Variants in AXIN1 observed in about 807,000 individuals in gnomAD.
The protein encoded by AXIN1 is axin-1.
AXIN1 carries 30 observed loss-of-function variants against 76.4 expected under a neutral mutation model. That is an observed-to-expected ratio of 0.39 (90% CI 0.29 to 0.53). The LOEUF (loss-of-function observed/expected upper bound fraction) is 0.53. Ranked by LOEUF, AXIN1 falls within the 20% of genes least tolerant of loss-of-function variation. AXIN1 has a pLI of 0.66. For missense variants in AXIN1, 1,140 were observed against 1,198.8 expected (o/e 0.95, Z 0.72); for synonymous variants, 545 against 501.4 (o/e 1.09, Z -1.16).
intron 10 of AXIN1, among the ~76,000 whole-genome samples, chr16:289,101 G>T (rs1183337996): frequency 2.6e-5 from 4 of 151,490 alleles, no homozygotes; most frequent in African/African-American, 9.7e-5. Flanking sequence ...TTTTTGGGCG[G>T]GGGTAGAGAC....
intron 5 of AXIN1, among the ~76,000 whole-genome samples, chr16:303,474 T>A (rs193234007): frequency 1.4e-3 from 207 of 152,044 alleles, no homozygotes; most frequent in Admixed American, 2.4e-3. Context: ...CTCTGCCTCC[T>A]GGGTTCAAGC....
chr16:329,996 G>A (rs2053662428), intron 2 of AXIN1, among the ~76,000 whole-genome samples: 2 of 151,544 alleles, frequency 1.3e-5, no homozygotes, highest in African/African-American at 4.9e-5. Flanking sequence ...TCAAACTCCT[G>A]ACCTCGTGAT....
rs953773648 is a variant in AXIN1 at position 293,169 on chromosome 16, G to A, written c.2186+319C>T. On this transcript the variant is annotated intron_variant, in intron 8 of 10. Coordinates refer to ENST00000262320, the MANE Select transcript of AXIN1 (RefSeq NM_003502.4). This position sits in a 1 kb window ranked among gnomAD's most constrained non-coding sequence, Gnocchi z 4.6. ...CCAGCAGCGAGCAGCCTCTGGCTGG[G>A]GACCGGCGTTCCCCACACACTGGGG... is the stretch of plus-strand genomic sequence containing the variant. 5 of 448,326 alleles carry A rather than the reference G, an allele frequency of 1.1e-5. No homozygotes were observed. Among genetic ancestry groups the A allele is most frequent in the East Asian group, 7.7e-5 (2 of 26,120 alleles). The allele number at this position is 448,326 out of a possible 1,614,324, so 27.8% of individuals were successfully genotyped here. A position where few individuals can be genotyped will look rare whatever the true frequency, so the allele number is the denominator to read the frequency against.
At chr16:312,873 T>C (rs1184899016) in intron 3 of AXIN1, among the ~76,000 whole-genome samples, 8 of 152,110 alleles carry the variant, frequency 5.3e-5, no homozygotes, top group Admixed American at 4.6e-4. Flanking sequence ...TTTGGAAAAA[T>C]GTTTAAAGAC....
chr16:311,981 C>T (rs1037365674), intron 3 of AXIN1, among the ~76,000 whole-genome samples: 15 of 152,192 alleles, frequency 9.9e-5, no homozygotes, highest in Non-Finnish European at 2.1e-4. Flanking sequence ...AATGGTGAGC[C>T]GAGTCCAGGT....
chr16:301,626 A>G lies in AXIN1; in HGVS notation c.1254+2678T>C, dbSNP rs115903801. Among the ~76,000 whole-genome samples the G allele has an allele frequency of 1.9e-3, 295 of 152,334 alleles. 2 individuals are homozygous for G. Among genetic ancestry groups the G allele is most frequent in the African/African-American group, 6.5e-3 (271 of 41,566 alleles). ...GGTAATATAGCAAGATTCCATCTCTACAAAAATATTTTTTTTAAAAAATGT... is the reference window on the plus strand; with the variant it reads ...GGTAATATAGCAAGATTCCATCTCTGCAAAAATATTTTTTTTAAAAAATGT... On this transcript the variant is annotated intron_variant, in intron 5 of 10. Transcript: ENST00000262320.
chr16:291,453 C>T (rs952152803), intron 8 of AXIN1, 156 bp from the exon 9 acceptor site: 9 of 690,630 alleles, frequency 1.3e-5, no homozygotes, highest in Admixed American at 8.2e-5. Context: ...GACAAGACAC[C>T]GAGTCCCCTC....
intron 2 of AXIN1, among the ~76,000 whole-genome samples, chr16:330,164 G>A (rs2141653868): frequency 6.6e-6 from 1 of 151,444 alleles, no homozygotes; most frequent in Non-Finnish European, 1.5e-5. Flanking sequence ...GGTCTCAGGT[G>A]ACCCACCCAT....
chr16:325,991 GTC>G (rs1222377422), intron 2 of AXIN1, among the ~76,000 whole-genome samples: 1 of 151,944 alleles, frequency 6.6e-6, no homozygotes. Flanking sequence ...GCATGGAGAG[GTC>G]TCGCTTCTGT....
chr16:330,536 C>A (rs141879183), intron 2 of AXIN1, among the ~76,000 whole-genome samples: 167 of 152,328 alleles, frequency 1.1e-3, no homozygotes, highest in African/African-American at 3.8e-3. Context: ...CGACCTCTTT[C>A]CTCTGCTCAG....
intron 2 of AXIN1, among the ~76,000 whole-genome samples, chr16:322,791 C>A (rs1243554200): frequency 6.6e-6 from 1 of 152,242 alleles, no homozygotes; most frequent in Non-Finnish European, 1.5e-5. Flanking sequence ...AGCCCAGACA[C>A]TGGCAGACAC....
chr16:305,228 G>A (rs2052986884), intron 4 of AXIN1, among the ~76,000 whole-genome samples: 1 of 152,220 alleles, frequency 6.6e-6, no homozygotes. Flanking sequence ...AGCATTTTGG[G>A]AAGCAGAGGC....
intron 4 of AXIN1, among the ~76,000 whole-genome samples, chr16:306,148 C>T (rs537842495): frequency 5.9e-5 from 9 of 152,164 alleles, no homozygotes; most frequent in Admixed American, 2.6e-4. Context: ...CATGCGCAGG[C>T]ACACACACCC....
intron 8 of AXIN1, chr16:291,576 C>T (rs2052562641): frequency 5.8e-6 from 3 of 521,310 alleles, no homozygotes; most frequent in Non-Finnish European, 7.0e-6. Context: ...ATCAGGGGTG[C>T]TGGGATCCCA....
chr16:311,309 C>A (rs905035722), intron 3 of AXIN1, among the ~76,000 whole-genome samples: 8 of 151,936 alleles, frequency 5.3e-5, no homozygotes. Context: ...GGATTACAGG[C>A]ATGCGCCACC....
intron 3 of AXIN1, among the ~76,000 whole-genome samples, chr16:310,439 C>T (rs1206780102): frequency 1.3e-5 from 2 of 152,268 alleles, no homozygotes; most frequent in African/African-American, 4.8e-5. Context: ...CTCTGTCGCC[C>T]AGGCTGGAGT....
chr16:340,673 G>A (rs773479095), intron 2 of AXIN1, among the ~76,000 whole-genome samples: 2 of 152,258 alleles, frequency 1.3e-5, no homozygotes, highest in Non-Finnish European at 2.9e-5. Flanking sequence ...ACAAAGACCC[G>A]AGGGTGCAGA....
At chr16:302,357 C>T (rs889321561) in intron 5 of AXIN1, among the ~76,000 whole-genome samples, 5 of 152,234 alleles carry the variant, frequency 3.3e-5, no homozygotes, top group African/African-American at 9.6e-5. Context: ...CTCAGACCAA[C>T]GGCCAGGGGA....
intron 2 of AXIN1, among the ~76,000 whole-genome samples, chr16:345,368 G>T (rs542108485): frequency 6.6e-6 from 1 of 152,176 alleles, no homozygotes; most frequent in African/African-American, 2.4e-5. Flanking sequence ...CACGTAAAAC[G>T]TCCCCCCTGC....
Sources: gnomAD v4.1 joint callset for allele counts (sites outside exome capture counted in the v4.1 genomes callset) on GRCh38, gnomAD v4.1.1 for gene constraint, Gnocchi (gnomAD v3.1) non-coding constraint, MANE v1.5 for transcripts, NCBI Gene and HGNC (gene_info 2026-07-23, HGNC 2026-07-21) for gene names.